Variants in ZNF33B observed in about 807,000 individuals in gnomAD.
The protein encoded by ZNF33B is zinc finger protein 33B.
Under a neutral mutation model 45.8 loss-of-function variants are expected in ZNF33B, and 29 were observed. That is an observed-to-expected ratio of 0.63 (90% CI 0.47 to 0.86). The LOEUF (loss-of-function observed/expected upper bound fraction) is 0.86, where lower values mean the gene tolerates loss of function less well. Among genes scored for constraint, ZNF33B ranks in the 40% least tolerant of loss-of-function variants. The pLI, the probability that ZNF33B is intolerant of heterozygous loss-of-function variation, is 0.00. For synonymous variants in ZNF33B, 305 were observed against 307.8 expected, an observed-to-expected ratio of 0.99 and a Z score of 0.10; for missense variants, 831 against 909.9, an observed-to-expected ratio of 0.91 and a Z score of 1.12.
At chr10:42,609,820 T>G (rs1838028092) in intron 4 of ZNF33B, among the ~76,000 whole-genome samples, 1 of 152,148 alleles carries the variant, frequency 6.6e-6, no homozygotes, top group Non-Finnish European at 1.5e-5. Flanking sequence ...CATGATCATC[T>G]CAGTATACAG....
chr10:42,615,947 G>C (rs929501219), intron 4 of ZNF33B, among the ~76,000 whole-genome samples: 1 of 151,574 alleles, frequency 6.6e-6, no homozygotes, highest in African/African-American at 2.4e-5. Flanking sequence ...TGTCGGCTGG[G>C]TGCGGTGGCT....
intron 4 of ZNF33B, among the ~76,000 whole-genome samples, chr10:42,617,826 T>A (rs1838392677): frequency 1.6e-5 from 1 of 63,140 alleles, no homozygotes; most frequent in East Asian, 7.6e-4. Context: ...CTAACTGCAT[T>A]TGTGATAATT....
chr10:42,608,555 CAAAG>C (rs770594127), intron 4 of ZNF33B, among the ~76,000 whole-genome samples: 4 of 151,308 alleles, frequency 2.6e-5, no homozygotes. Flanking sequence ...AAAAAAAAGT[CAAAG>C]AAGCAATAAG....
chr10:42,618,780 C>T (rs1441858496), intron 4 of ZNF33B, among the ~76,000 whole-genome samples: 7 of 151,652 alleles, frequency 4.6e-5, no homozygotes, highest in Admixed American at 3.9e-4. Context: ...TTTTCTTTCC[C>T]TTTCTATTCT....
chr10:42,624,044 A>G (rs904589155), intron 4 of ZNF33B, among the ~76,000 whole-genome samples: 1 of 152,268 alleles, frequency 6.6e-6, no homozygotes, highest in Non-Finnish European at 1.5e-5. Context: ...GGATGCCAGC[A>G]TGGCCAGGGC....
At position 42,608,305 on chromosome 10, in the gene ZNF33B, A is replaced by G. The variant is rs796960127; in HGVS notation, c.251-13606T>C. On this transcript the variant is annotated intron_variant, in intron 4 of 4. Coordinates refer to ENST00000359467, the MANE Select transcript of ZNF33B (RefSeq NM_006955.3). ...ATAATGGTTAGGACAACTGGGCACAATATAAACATGGAAACAGAAGATATA... is the reference window on the plus strand; with the variant it reads ...ATAATGGTTAGGACAACTGGGCACAGTATAAACATGGAAACAGAAGATATA... Among the ~76,000 whole-genome samples the G allele has an allele frequency of 6.2e-4, 95 of 152,350 alleles. 1 individual carries two copies. The highest frequency in any genetic ancestry group is 2.2e-3 in the African/African-American group (92 of 41,584).
chr10:42,614,832 T>C (rs971939723), intron 4 of ZNF33B, among the ~76,000 whole-genome samples: 1 of 151,996 alleles, frequency 6.6e-6, no homozygotes, highest in African/African-American at 2.4e-5. Context: ...TGGGCACCTG[T>C]AATCCCAGCT....
At chr10:42,597,379 C>T (rs1339282427) in intron 4 of ZNF33B, among the ~76,000 whole-genome samples, 1 of 151,944 alleles carries the variant, frequency 6.6e-6, no homozygotes, top group African/African-American at 2.4e-5. Flanking sequence ...CATAAAACAA[C>T]ATAAATTTAC....
At chr10:42,636,542 C>T (rs1839308892) in intron 2 of ZNF33B, among the ~76,000 whole-genome samples, 1 of 152,210 alleles carries the variant, frequency 6.6e-6, no homozygotes, top group African/African-American at 2.4e-5. Context: ...TGACTCTTGG[C>T]CAGGCACGGT....
rs1487905868 is a variant in ZNF33B at position 42,616,078 on chromosome 10, C to T, written c.250+15851G>A. Among the ~76,000 whole-genome samples, 5 of 151,450 alleles carry T rather than the reference C, an allele frequency of 3.3e-5. No individual in the cohort carries two copies. In the East Asian group the frequency reaches 5.8e-4, roughly 18 times the overall value. On this transcript the variant is annotated intron_variant, in intron 4 of 4. Coordinates refer to ENST00000359467, the MANE Select transcript of ZNF33B (RefSeq NM_006955.3). ...AAAATCAGCTGGGTGTGGGGGCATG[C>T]AACTGTAATCCCAGCTACTCAGGAG...
chr10:42,581,909 G>A (rs1233264354), intron 1 of ZNF33B: 1 of 152,274 alleles, frequency 6.6e-6, no homozygotes, highest in East Asian at 1.9e-4. Flanking sequence ...AAGGTCAGGA[G>A]TTCAAGACCA....
intron 1 of ZNF33B, among the ~76,000 whole-genome samples, chr10:42,577,935 CTG>C (rs1333169207): frequency 1.3e-5 from 2 of 152,170 alleles, no homozygotes; most frequent in Non-Finnish European, 2.9e-5. Context: ...GAGAACCTCA[CTG>C]TGTCATTAGG....
At chr10:42,596,943 T>C (rs897069205) in intron 4 of ZNF33B, among the ~76,000 whole-genome samples, 2 of 151,988 alleles carry the variant, frequency 1.3e-5, no homozygotes, top group African/African-American at 4.8e-5. Context: ...TTATACTAGA[T>C]AGCATATATT....
At chr10:42,603,716 A>G (rs918385539) in intron 4 of ZNF33B, among the ~76,000 whole-genome samples, 1 of 152,204 alleles carries the variant, frequency 6.6e-6, no homozygotes, top group East Asian at 1.9e-4. Context: ...ATATGTCAGC[A>G]ATCAGTAGCG....
chr10:42,611,422 A>G (rs1838092125), intron 4 of ZNF33B, among the ~76,000 whole-genome samples: 1 of 152,156 alleles, frequency 6.6e-6, no homozygotes, highest in African/African-American at 2.4e-5. Context: ...AAAACAACCA[A>G]AATTATTCCT....
Position 42,637,201 on chromosome 10 carries a change from GAAAGT to G in ZNF33B, c.-44-234_-44-230del, listed in dbSNP as rs545213415. Among the ~76,000 whole-genome samples, 202 of 152,314 alleles carry G rather than the reference GAAAGT, an allele frequency of 1.3e-3. 1 individual carries two copies. The highest frequency in any genetic ancestry group is 2.4e-3 in the Non-Finnish European group (162 of 68,020). Reference sequence around the variant, plus strand: ...TTGGGCACAAGATTTTTCATCAGGTGAAAGTAAATATTTGCTTCCTAAGGATTTCA... The same window carrying G: ...TTGGGCACAAGATTTTTCATCAGGTGAAATATTTGCTTCCTAAGGATTTCA... On this transcript the variant is annotated intron_variant, in intron 1 of 4. Coordinates refer to ENST00000359467, the MANE Select transcript of ZNF33B (RefSeq NM_006955.3).
chr10:42,626,052 T>G (rs1318130412), intron 4 of ZNF33B, among the ~76,000 whole-genome samples: 1 of 152,252 alleles, frequency 6.6e-6, no homozygotes, highest in Non-Finnish European at 1.5e-5. Context: ...CTGAGGAAGA[T>G]CCTCTTAATG....
intron 4 of ZNF33B, among the ~76,000 whole-genome samples, chr10:42,597,271 G>A (rs1837437158): frequency 6.6e-6 from 1 of 152,008 alleles, no homozygotes; most frequent in African/African-American, 2.4e-5. Context: ...CAGTTACTCA[G>A]AATGTATAAA....
chr10:42,619,498 T>A (rs1231435791), intron 4 of ZNF33B, among the ~76,000 whole-genome samples: 1 of 152,168 alleles, frequency 6.6e-6, no homozygotes, highest in African/African-American at 2.4e-5. Context: ...CTAAAAGGTG[T>A]CTTTCAAGAT....
Sources: gnomAD v4.1 joint callset for allele counts (sites outside exome capture counted in the v4.1 genomes callset) on GRCh38, gnomAD v4.1.1 for gene constraint, MANE v1.5 for transcripts, NCBI Gene and HGNC (gene_info 2026-07-23, HGNC 2026-07-21) for gene names.